The following MELK variants were observed in gnomAD, a reference collection of about 807,000 sequenced individuals.
The protein encoded by MELK is maternal embryonic leucine zipper kinase.
A neutral mutation model predicts 85.0 loss-of-function variants in MELK; 81 were observed. The ratio of observed to expected loss-of-function variants is 0.95; its 90% CI spans 0.80 to 1.15. MELK has a LOEUF of 1.15. Among genes scored for constraint, MELK ranks in the 50% most tolerant of loss-of-function variants. The pLI is 0.00. For missense variants in MELK, 754 were observed against 777.5 expected, an observed-to-expected ratio of 0.97 and a Z score of 0.36; for synonymous variants, 252 against 265.0, an observed-to-expected ratio of 0.95 and a Z score of 0.48.
At chr9:36,651,637 G>T in intron 11 of MELK, 109 bp from the exon 12 acceptor site, 1 of 1,307,670 alleles carries the variant, frequency 7.6e-7, no homozygotes, top group Non-Finnish European at 1.1e-6. Flanking sequence ...TAAACCTATT[G>T]GCTTTTAAAG....
rs896834231 is a variant in MELK, at chr9:36,651,001, G to A, written c.922-745G>A. Among the ~76,000 whole-genome samples the A allele has an allele frequency of 9.2e-5, 14 of 152,310 alleles. No individual in the cohort carries two copies. In the East Asian group the frequency reaches 2.1e-3, roughly 23 times the overall value. On this transcript the variant is annotated intron_variant, in intron 11 of 17. Coordinates refer to ENST00000298048, the MANE Select transcript of MELK (RefSeq NM_014791.4). ...AAGGTATAAAAAAATGGAAATGCAA[G>A]AATAGCACCCTGTGTGGTTTAGCTG...
intron 11 of MELK, among the ~76,000 whole-genome samples, chr9:36,644,964 G>GA (rs1157956992): frequency 6.6e-6 from 1 of 152,042 alleles, no homozygotes. Context: ...TTAAAAATCT[G>GA]AATCTTAAAA....
chr9:36,677,108 TA>T, intron 17 of MELK, 51 bp from the exon 18 acceptor site: 1 of 1,521,880 alleles, frequency 6.6e-7, no homozygotes, highest in Non-Finnish European at 9.0e-7. Flanking sequence ...AGAAAACTCT[TA>T]TACAGAATAT....
In MELK at chr9:36,671,086, AG is replaced by A. The variant is rs1319131798; in HGVS notation, c.1599del (p.Leu534TrpfsTer24). 1 of 1,613,222 alleles carries A rather than the reference AG, an allele frequency of 6.2e-7. No individual in the cohort carries two copies. Among genetic ancestry groups the A allele is most frequent in the Non-Finnish European group, 8.5e-7 (1 of 1,179,658 alleles). On this transcript the variant is annotated frameshift_variant, in exon 16 of 18. Transcript: ENST00000298048. LOFTEE classifies it high-confidence loss of function. ...KGAKVFGSLERGLDKVITVLT... is the reference protein window; with the variant it reads ...KGAKVFGSLEXGLDKVITVLT... The stretch of plus-strand genomic sequence containing the variant: ...AGCCAAAGTGTTTGGGAGCCTTGAA[AG>A]GGGGTTGGATAAGGTTATCACTGTG...
rs1822500291 is a variant in MELK, at chr9:36,583,632, T to A, written c.64T>A (p.Phe22Ile). 6.2e-7 allele frequency: 1 copy of A among 1,608,342 alleles called. No homozygotes were observed. Among genetic ancestry groups the A allele is most frequent in the Non-Finnish European group, 8.5e-7 (1 of 1,176,282 alleles). The change falls in exon 3 of 18, where the codon TTT becomes ATT. Residue 22 changes from phenylalanine to isoleucine, a missense_variant. Transcript: ENST00000298048. ...ELHETIGTGG[F>I]AKVKLACHIL... ...TAATACATTTTCCTACTTAGGTGGC[T>A]TTGCAAAGGTCAAACTTGCCTGCCA...
chr9:36,622,915 T>C (rs1827578724), intron 8 of MELK, among the ~76,000 whole-genome samples: 1 of 152,238 alleles, frequency 6.6e-6, no homozygotes, highest in African/African-American at 2.4e-5. Flanking sequence ...CCCACTGTTA[T>C]CTGTTTCTTG....
At chr9:36,655,380 G>T (rs1422534252) in intron 12 of MELK, among the ~76,000 whole-genome samples, 2 of 151,952 alleles carry the variant, frequency 1.3e-5, no homozygotes, top group Non-Finnish European at 2.9e-5. Flanking sequence ...AAAAGCAGGG[G>T]CACCTAATTT....
intron 1 of MELK, among the ~76,000 whole-genome samples, chr9:36,575,149 A>T (rs1821520571): frequency 6.6e-6 from 1 of 152,268 alleles, no homozygotes; most frequent in Admixed American, 6.5e-5. Context: ...AAAAACAAAA[A>T]CAAAACCCAA....
At chr9:36,640,418 G>A (rs1419984161) in intron 10 of MELK, among the ~76,000 whole-genome samples, 1 of 152,058 alleles carries the variant, frequency 6.6e-6, no homozygotes, top group Non-Finnish European at 1.5e-5. Flanking sequence ...AAGGCCTCTG[G>A]AGCCTCTTTT....
At chr9:36,588,080 T>A (rs111430619) in intron 3 of MELK, among the ~76,000 whole-genome samples, 2,200 of 151,974 alleles carry the variant, frequency 0.014, 49 homozygotes, top group African/African-American at 0.049. Context: ...GTCCTTTTTT[T>A]TTTGAGATGG....
chr9:36,677,538 GTTA>G lies in MELK; in HGVS notation c.*202_*204del. 1 of 425,832 alleles carries G rather than the reference GTTA, an allele frequency of 2.3e-6. No homozygotes were observed. Among genetic ancestry groups the G allele is most frequent in the South Asian group, 7.3e-5 (1 of 13,652 alleles). 26.4% of individuals were successfully genotyped at this position (425,832 alleles called of 1,614,324 possible). On this transcript the variant is annotated 3_prime_UTR_variant, in exon 18 of 18. Transcript: ENST00000298048. ...CTAAATCAAGCCCATCTGTCATTAT[GTTA>G]CTGTCTTTTTTAATCATGTGGTTTT... is the stretch of plus-strand genomic sequence containing the variant.
chr9:36,620,985 T>C (rs530453609), intron 8 of MELK, among the ~76,000 whole-genome samples: 7 of 151,834 alleles, frequency 4.6e-5, no homozygotes, highest in South Asian at 4.2e-4. Context: ...AAAAACTGAA[T>C]AGAGGCTGGG....
chr9:36,589,920 G>GT (rs566073692), intron 4 of MELK, among the ~76,000 whole-genome samples: 2,372 of 125,726 alleles, frequency 0.019, 103 homozygotes, highest in African/African-American at 0.057. Flanking sequence ...ACTCATTCTA[G>GT]TTTTTTTTTT....
At chr9:36,586,993 C>G (rs934089094) in intron 3 of MELK, among the ~76,000 whole-genome samples, 8 of 151,798 alleles carry the variant, frequency 5.3e-5, no homozygotes, top group Non-Finnish European at 8.8e-5. Context: ...TCCAGAGTAG[C>G]TGGGACCACC....
chr9:36,614,600 G>A (rs1246069424), intron 8 of MELK, among the ~76,000 whole-genome samples: 2 of 120,190 alleles, frequency 1.7e-5, no homozygotes, highest in African/African-American at 6.9e-5. Context: ...CGCAGTGTTT[G>A]TGTCCCTGAT....
chr9:36,641,602 A>AC (rs1829759188), intron 10 of MELK, among the ~76,000 whole-genome samples: 2 of 126,752 alleles, frequency 1.6e-5, no homozygotes, highest in African/African-American at 2.9e-5. Flanking sequence ...ATAAAGAGAG[A>AC]TTTTTTTTTT....
intron 11 of MELK, among the ~76,000 whole-genome samples, chr9:36,649,465 C>T (rs1366063927): frequency 2.0e-5 from 3 of 151,626 alleles, no homozygotes; most frequent in South Asian, 2.1e-4. Flanking sequence ...CCAGCCTGGG[C>T]GACAGAGCAA....
intron 1 of MELK, among the ~76,000 whole-genome samples, chr9:36,573,964 T>G (rs1450246417): frequency 1.3e-5 from 2 of 152,100 alleles, no homozygotes; most frequent in East Asian, 3.9e-4. Context: ...GGACGGGTAA[T>G]TACCTTTGGT....
In MELK at chr9:36,630,327, T is replaced by A. The variant is rs763538947; in HGVS notation, c.695T>A (p.Leu232His). 2 of 1,612,404 alleles carry A rather than the reference T, an allele frequency of 1.2e-6. No individual in the cohort carries two copies. Among genetic ancestry groups the A allele is most frequent in the African/African-American group, 2.7e-5 (2 of 74,912 alleles). The change falls in exon 9 of 18, where the codon CTC becomes CAC. Residue 232 changes from leucine (L) to histidine (H), a missense_variant. Transcript: ENST00000298048. The part of the protein sequence containing the change: ...MRGKYDVPKW[L>H]SPSSILLLQQ... Reference sequence around the variant, plus strand: ...GGAAAATATGATGTTCCCAAGTGGCTCTCTCCCAGTAGCATTCTGCTTCTT... The same window carrying A: ...GGAAAATATGATGTTCCCAAGTGGCACTCTCCCAGTAGCATTCTGCTTCTT...
Sources: gnomAD v4.1 joint callset for allele counts (sites outside exome capture counted in the v4.1 genomes callset) on GRCh38, gnomAD v4.1.1 for gene constraint, MANE v1.5 for transcripts, NCBI Gene and HGNC (gene_info 2026-07-23, HGNC 2026-07-21) for gene names.